The following ANXA4 variants were observed in gnomAD, a reference collection of about 807,000 sequenced individuals.
ANXA4 encodes annexin A4.
A neutral mutation model predicts 49.8 loss-of-function variants in ANXA4; 39 were observed. That is an observed-to-expected ratio of 0.78 (90% confidence interval 0.61 to 1.02). The LOEUF (loss-of-function observed/expected upper bound fraction) is 1.02, where lower values mean the gene tolerates loss of function less well. Among genes scored for constraint, ANXA4 ranks in the 50% least tolerant of loss-of-function variants. The pLI, the probability that ANXA4 is intolerant of heterozygous loss-of-function variation, is 0.00. For missense variants in ANXA4, 360 were observed against 410.1 expected, an observed-to-expected ratio of 0.88 and a Z score of 1.05; for synonymous variants, 134 against 152.5, an observed-to-expected ratio of 0.88 and a Z score of 0.89.
rs1287558666 is a variant in ANXA4, at chr2:69,820,813, T to C, written c.898T>C (p.Phe300Leu). Residue 300 changes from phenylalanine to leucine, a missense_variant, in exon 12 of 13, where the codon TTC (phenylalanine) becomes CTC (leucine). Physicochemically the swap from Phe to Leu is conservative, Grantham distance 22. Coordinates refer to ENST00000394295, the MANE Select transcript of ANXA4 (RefSeq NM_001153.5). ...KRLYGKSLYS[F>L]IKGDTSGDYR... ...ACTCTATGGAAAGTCTCTGTACTCG[T>C]TCATCAAGGTAGGTCACAGCAGCCT... is the stretch of plus-strand genomic sequence containing the variant. 1.2e-6 allele frequency: 2 copies of C among 1,613,926 alleles called. No homozygotes were observed. Among genetic ancestry groups the C allele is most frequent in the Non-Finnish European group, 1.7e-6 (2 of 1,179,882 alleles).
chr2:69,788,679 T>C (rs1419384194), intron 3 of ANXA4, among the ~76,000 whole-genome samples: 4 of 146,056 alleles, frequency 2.7e-5, no homozygotes, highest in Non-Finnish European at 6.0e-5. Context: ...CTACTAAAAA[T>C]ACAAAAAAAT....
intron 3 of ANXA4, among the ~76,000 whole-genome samples, chr2:69,722,203 A>G (rs1334811825): frequency 6.6e-6 from 1 of 152,244 alleles, no homozygotes; most frequent in East Asian, 1.9e-4. Context: ...GTAAAAATGA[A>G]TGAGACCAAC....
At chr2:69,760,078 C>T (rs1045206999) in intron 1 of ANXA4, among the ~76,000 whole-genome samples, 2 of 152,088 alleles carry the variant, frequency 1.3e-5, no homozygotes, top group African/African-American at 4.8e-5. Context: ...GTGATCCACC[C>T]GCCTCGGCCT....
chr2:69,785,272 G>A (rs1672367993), intron 2 of ANXA4, among the ~76,000 whole-genome samples: 1 of 152,174 alleles, frequency 6.6e-6, no homozygotes, highest in South Asian at 2.1e-4. Flanking sequence ...GGCCAGGGTG[G>A]TCTAGTGCAG....
At chr2:69,767,919 C>A (rs1671557431) in intron 1 of ANXA4, among the ~76,000 whole-genome samples, 1 of 151,996 alleles carries the variant, frequency 6.6e-6, no homozygotes, top group South Asian at 2.1e-4. Context: ...TATGTACATA[C>A]TCTTTATATA....
chr2:69,731,610 G>A lies in ANXA4; in HGVS notation n.864+10739G>A, dbSNP rs116221815. Among the ~76,000 whole-genome samples, 293 of 151,604 alleles carry A rather than the reference G, an allele frequency of 1.9e-3. 1 individual carries two copies. The highest frequency in any genetic ancestry group is 6.8e-3 in the African/African-American group (280 of 40,920). Reference sequence around the variant, plus strand: ...TTGATGACGCTTGAATATGAGCTGCGGCTCAGCAGCAGAAGGGCACAACCT... The same window carrying A: ...TTGATGACGCTTGAATATGAGCTGCAGCTCAGCAGCAGAAGGGCACAACCT... On this transcript the variant is annotated intron_variant and non_coding_transcript_variant, in intron 3 of 3. Coordinates refer to the ANXA4 transcript ENST00000418066.
Position 69,820,821 on chromosome 2 carries a change from G to A in ANXA4, c.906G>A (p.Lys302=). 1.2e-6 allele frequency: 2 copies of A among 1,613,744 alleles called. No individual in the cohort carries two copies. The highest frequency in any genetic ancestry group is 1.7e-6 in the Non-Finnish European group (2 of 1,179,820). The change falls in exon 12 of 13, where the codon AAG becomes AAA. Residue 302 remains lysine, a splice_region_variant and synonymous_variant. Transcript: ENST00000394295. ...LYGKSLYSFI[K]GDTSGDYRKV... ...GAAAGTCTCTGTACTCGTTCATCAA[G>A]GTAGGTCACAGCAGCCTAAGTCCAG...
chr2:69,700,122 A>G (rs1559090581), intron 2 of ANXA4: 1 of 152,270 alleles, frequency 6.6e-6, no homozygotes, highest in Non-Finnish European at 1.5e-5. Flanking sequence ...AAATTTTTTT[A>G]AAGAAAGTGA....
At chr2:69,674,601 A>G (rs1381618225) in intron 2 of ANXA4, among the ~76,000 whole-genome samples, 1 of 152,212 alleles carries the variant, frequency 6.6e-6, no homozygotes, top group East Asian at 1.9e-4. Context: ...TAGAAATACA[A>G]TGGTCATTTT....
At chr2:69,658,532 C>T (rs559165786) in intron 2 of ANXA4, among the ~76,000 whole-genome samples, 19 of 152,026 alleles carry the variant, frequency 1.2e-4, no homozygotes, top group South Asian at 1.0e-3. Flanking sequence ...TAACAAATGA[C>T]TGCTATTATT....
intron 2 of ANXA4, among the ~76,000 whole-genome samples, chr2:69,720,308 C>G (rs1669783438): frequency 6.6e-6 from 1 of 152,248 alleles, no homozygotes; most frequent in Non-Finnish European, 1.5e-5. Flanking sequence ...GGTCCCTCCT[C>G]TCGCTCCATC....
At chr2:69,675,535 T>C (rs530295006) in intron 2 of ANXA4, among the ~76,000 whole-genome samples, 18 of 152,332 alleles carry the variant, frequency 1.2e-4, no homozygotes, top group African/African-American at 4.1e-4. Flanking sequence ...CTGTCAGGCT[T>C]CTCAACTAAG....
At chr2:69,702,197 A>G (rs1678351536) in intron 2 of ANXA4, among the ~76,000 whole-genome samples, 2 of 151,690 alleles carry the variant, frequency 1.3e-5, no homozygotes, top group South Asian at 4.2e-4. Context: ...TGTTTTTAGT[A>G]GAGATAGGTT....
chr2:69,649,924 A>ATTTTTTTTTTT (rs35212855), intron 1 of ANXA4, among the ~76,000 whole-genome samples: 2 of 52,014 alleles, frequency 3.8e-5, no homozygotes, highest in Non-Finnish European at 6.2e-5. Context: ...GCCTGGCCTG[A>ATTTTTTTTTTT]TTTTTTTTTT....
chr2:69,643,972 C>T (rs1014327173), upstream of ANXA4: 8 of 923,506 alleles, frequency 8.7e-6, no homozygotes, highest in African/African-American at 1.2e-4. Flanking sequence ...TCACCCGAGC[C>T]GCAGGGCAAG....
chr2:69,685,611 G>A (rs1273081216), intron 2 of ANXA4, among the ~76,000 whole-genome samples: 1 of 152,146 alleles, frequency 6.6e-6, no homozygotes, highest in Admixed American at 6.6e-5. Flanking sequence ...TACTTGAATG[G>A]CAGAACGAAA....
intron 2 of ANXA4, among the ~76,000 whole-genome samples, chr2:69,717,663 CTT>C (rs1669681173): frequency 1.3e-5 from 2 of 152,198 alleles, no homozygotes; most frequent in Admixed American, 6.5e-5. Flanking sequence ...CTTTGCTTTT[CTT>C]TGTTTCATCT....
intron 1 of ANXA4, among the ~76,000 whole-genome samples, chr2:69,751,753 T>C (rs957657784): frequency 1.3e-5 from 2 of 152,104 alleles, no homozygotes; most frequent in African/African-American, 4.8e-5. Context: ...TGGCCCATCC[T>C]TCTGGGATCA....
Position 69,819,348 on chromosome 2 carries a change from CTTA to C in ANXA4, c.783+13_783+15del, listed in dbSNP as rs1558526944. On this transcript the variant is annotated intron_variant, in intron 11 of 12. Transcript: ENST00000394295. The stretch of plus-strand genomic sequence containing the variant: ...CTATAAATCGATGAAGGTAAATGGC[CTTA>C]TTTTCAGCATCTAAATGAATTTGAG... 21 of 1,596,244 alleles carry C rather than the reference CTTA, an allele frequency of 1.3e-5. 1 individual carries two copies. The highest frequency in any genetic ancestry group is 1.8e-5 in the Non-Finnish European group (21 of 1,167,384).
Sources: allele counts gnomAD v4.1 joint callset (sites outside exome capture counted in the v4.1 genomes callset), GRCh38; gene constraint gnomAD v4.1.1; transcripts MANE v1.5; gene names NCBI Gene and HGNC (gene_info 2026-07-23, HGNC 2026-07-21).